The following MIR2052HG variants were observed in gnomAD, a reference collection of about 807,000 sequenced individuals.
MIR2052HG encodes MIR2052 host gene.
intron 2 of MIR2052HG, among the ~76,000 whole-genome samples, chr8:74,674,454 G>A (rs1216085481): frequency 1.3e-5 from 2 of 151,830 alleles, no homozygotes; most frequent in African/African-American, 4.8e-5. Context: ...AAAAAATAGG[G>A]AGAGGAATTT....
chr8:74,717,381 C>T (rs866614803), intron 4 of MIR2052HG, among the ~76,000 whole-genome samples: 1 of 152,214 alleles, frequency 6.6e-6, no homozygotes. Flanking sequence ...ATATATGTAC[C>T]ACATTTTCTT....
At chr8:74,663,345 G>A (rs1808887572) in intron 2 of MIR2052HG, among the ~76,000 whole-genome samples, 1 of 152,168 alleles carries the variant, frequency 6.6e-6, no homozygotes, top group Admixed American at 6.5e-5. Context: ...ATTAAAAGGA[G>A]GCCTGTGACT....
At chr8:74,638,328 T>C (rs1048675268) in intron 2 of MIR2052HG, among the ~76,000 whole-genome samples, 1 of 152,162 alleles carries the variant, frequency 6.6e-6, no homozygotes, top group African/African-American at 2.4e-5. Flanking sequence ...TGCAGAAGGC[T>C]TTGTACACTG....
At chr8:74,672,712 A>C (rs1378752602) in intron 2 of MIR2052HG, among the ~76,000 whole-genome samples, 1 of 152,040 alleles carries the variant, frequency 6.6e-6, no homozygotes, top group Non-Finnish European at 1.5e-5. Context: ...TTTTAGACAC[A>C]ATGTTTTATT....
chr8:74,643,137 G>A (rs943264647), intron 2 of MIR2052HG, among the ~76,000 whole-genome samples: 1 of 152,170 alleles, frequency 6.6e-6, no homozygotes, highest in Non-Finnish European at 1.5e-5. Flanking sequence ...TGGGCAAAAA[G>A]AATCCACAGG....
At chr8:74,671,503 C>T (rs1421706944) in intron 2 of MIR2052HG, among the ~76,000 whole-genome samples, 2 of 151,892 alleles carry the variant, frequency 1.3e-5, no homozygotes, top group African/African-American at 2.4e-5. Flanking sequence ...ACTTAAGGTA[C>T]TTTTACTCTC....
intron 2 of MIR2052HG, among the ~76,000 whole-genome samples, chr8:74,674,134 TTTTGTG>T (rs1170026076): frequency 4.4e-5 from 5 of 114,366 alleles, no homozygotes; most frequent in African/African-American, 1.9e-4. Flanking sequence ...TACCAGAGGT[TTTTGTG>T]TGTGTGTGTG....
intron 4 of MIR2052HG, among the ~76,000 whole-genome samples, chr8:74,726,874 C>G (rs1452466121): frequency 6.6e-6 from 1 of 152,106 alleles, no homozygotes; most frequent in Non-Finnish European, 1.5e-5. Context: ...CATGGGCTGC[C>G]CAATATATTT....
At chr8:74,699,220 AG>A (rs1198936389) in intron 2 of MIR2052HG, among the ~76,000 whole-genome samples, 1 of 152,158 alleles carries the variant, frequency 6.6e-6, no homozygotes, top group Non-Finnish European at 1.5e-5. Context: ...AAGAACTAAA[AG>A]TAGATCTACC....
intron 2 of MIR2052HG, among the ~76,000 whole-genome samples, chr8:74,696,658 A>T (rs1273243553): frequency 6.6e-6 from 1 of 152,108 alleles, no homozygotes; most frequent in East Asian, 1.9e-4. Context: ...TACCACAAAA[A>T]TACAAAACAT....
At chr8:74,659,145 A>G (rs1808836005) in intron 2 of MIR2052HG, among the ~76,000 whole-genome samples, 2 of 152,186 alleles carry the variant, frequency 1.3e-5, no homozygotes, top group South Asian at 4.1e-4. Context: ...TTTGTTGTAC[A>G]AGCTCACTTG....
chr8:74,637,428 C>T (rs564206762), intron 2 of MIR2052HG, among the ~76,000 whole-genome samples: 8 of 152,150 alleles, frequency 5.3e-5, no homozygotes, highest in African/African-American at 1.4e-4. Flanking sequence ...CACACATGTG[C>T]GTGCACACAC....
intron 4 of MIR2052HG, among the ~76,000 whole-genome samples, chr8:74,724,260 A>C (rs1204755336): frequency 1.3e-5 from 2 of 152,262 alleles, no homozygotes; most frequent in East Asian, 3.9e-4. Flanking sequence ...AAAAAAAACC[A>C]TGTGCAGAAT....
At chr8:74,636,982 G>T (rs965120184) in intron 2 of MIR2052HG, among the ~76,000 whole-genome samples, 7 of 152,074 alleles carry the variant, frequency 4.6e-5, no homozygotes, top group Non-Finnish European at 8.8e-5. Context: ...GGCTCTTTGG[G>T]ATTATCTTTA....
intron 2 of MIR2052HG, among the ~76,000 whole-genome samples, chr8:74,645,081 A>G (rs987886713): frequency 6.6e-6 from 1 of 152,038 alleles, no homozygotes; most frequent in Non-Finnish European, 1.5e-5. Flanking sequence ...CTAGACTTGC[A>G]TTTTCAGCAC....
At chr8:74,620,661 C>T (rs931549505) in intron 2 of MIR2052HG, among the ~76,000 whole-genome samples, 6 of 152,240 alleles carry the variant, frequency 3.9e-5, no homozygotes, top group Non-Finnish European at 5.9e-5. Flanking sequence ...AGCTGGGACA[C>T]AGGGCACCAT....
chr8:74,633,729 G>A (rs1586898740), intron 2 of MIR2052HG, among the ~76,000 whole-genome samples: 1 of 152,344 alleles, frequency 6.6e-6, no homozygotes, highest in East Asian at 1.9e-4. Flanking sequence ...GCTAAAGATA[G>A]TAACTTAGTT....
chr8:74,706,427 T>C (rs1809411270), intron 4 of MIR2052HG, among the ~76,000 whole-genome samples: 1 of 152,116 alleles, frequency 6.6e-6, no homozygotes, highest in African/African-American at 2.4e-5. Context: ...TGCTCTGTAA[T>C]GTAGCTTCCA....
chr8:74,673,122 T>C (rs901684289), intron 2 of MIR2052HG, among the ~76,000 whole-genome samples: 3 of 152,080 alleles, frequency 2.0e-5, no homozygotes, highest in Non-Finnish European at 4.4e-5. Context: ...CAGGAAGGAA[T>C]TCCAGCTGTT....
Sources: allele counts gnomAD v4.1 joint callset (sites outside exome capture counted in the v4.1 genomes callset), GRCh38; gene constraint gnomAD v4.1.1; transcripts MANE v1.5; gene names NCBI Gene and HGNC (gene_info 2026-07-23, HGNC 2026-07-21).